The following CDKL3 variants were observed in gnomAD, a reference collection of about 807,000 sequenced individuals.
CDKL3 encodes the protein cyclin dependent kinase like 3, also known as cyclin-dependent kinase-like 3.
CDKL3 carries 65 observed loss-of-function variants against 69.3 expected under a neutral mutation model. The ratio of observed to expected loss-of-function variants is 0.94; its 90% CI spans 0.77 to 1.15. CDKL3 has a LOEUF of 1.15. Among genes scored for constraint, CDKL3 ranks in the 50% most tolerant of loss-of-function variants. CDKL3 has a pLI of 0.00. For synonymous variants in CDKL3, 202 were observed against 221.6 expected (o/e 0.91, Z 0.79); for missense variants, 652 against 689.2 (o/e 0.95, Z 0.61).
At chr5:134,331,805 T>C (rs1775875391) in intron 4 of CDKL3, among the ~76,000 whole-genome samples, 1 of 152,204 alleles carries the variant, frequency 6.6e-6, no homozygotes, top group African/African-American at 2.4e-5. Flanking sequence ...TATAATCCTT[T>C]GGGTATATAC....
At chr5:134,368,643 AAAGT>A (rs1757983603), upstream of CDKL3, among the ~76,000 whole-genome samples, 1 of 143,096 alleles carries the variant, frequency 7.0e-6, no homozygotes, top group East Asian at 2.0e-4. Context: ...AAAAAAAAAG[AAAGT>A]TATTCAACCA....
At chr5:134,357,056 T>C (rs1243142341) in intron 3 of CDKL3, among the ~76,000 whole-genome samples, 1 of 152,098 alleles carries the variant, frequency 6.6e-6, no homozygotes, top group East Asian at 1.9e-4. Flanking sequence ...CTAAGCCTAT[T>C]TTCTCAACTA....
chr5:134,319,185 G>T, intron 6 of CDKL3, 173 bp downstream of exon 6: 1 of 450,656 alleles, frequency 2.2e-6, no homozygotes, highest in Non-Finnish European at 3.8e-6. Context: ...ACAAAAATTA[G>T]CCGGGCATGG....
chr5:134,332,509 T>C (rs983881681), intron 4 of CDKL3, among the ~76,000 whole-genome samples: 2 of 152,244 alleles, frequency 1.3e-5, no homozygotes, highest in East Asian at 1.9e-4. Context: ...GCTTTCTACA[T>C]GTGGCTAACC....
chr5:134,344,362 T>C (rs1751281531), intron 4 of CDKL3, among the ~76,000 whole-genome samples: 1 of 152,028 alleles, frequency 6.6e-6, no homozygotes, highest in Non-Finnish European at 1.5e-5. Flanking sequence ...ACACAACCCA[T>C]AAAATGGAAG....
intron 3 of CDKL3, among the ~76,000 whole-genome samples, chr5:134,356,740 T>C (rs1182869035): frequency 1.3e-5 from 2 of 152,046 alleles, no homozygotes; most frequent in Non-Finnish European, 2.9e-5. Flanking sequence ...ACCAAGATCA[T>C]GCCACTGCAC....
At chr5:134,329,474 T>C (rs1199637531) in intron 4 of CDKL3, among the ~76,000 whole-genome samples, 1 of 151,708 alleles carries the variant, frequency 6.6e-6, no homozygotes, top group Non-Finnish European at 1.5e-5. Flanking sequence ...TTTTATTTTA[T>C]TTATTTATTT....
chr5:134,322,067 T>A (rs763733499), intron 4 of CDKL3, among the ~76,000 whole-genome samples, 164 bp from the exon 5 acceptor site: 1 of 152,198 alleles, frequency 6.6e-6, no homozygotes, highest in African/African-American at 2.4e-5. Context: ...TCACCCAGGC[T>A]GGAGTGCAAG....
downstream of CDKL3, among the ~76,000 whole-genome samples, chr5:134,295,759 A>G (rs895118674): frequency 6.6e-6 from 1 of 152,160 alleles, no homozygotes; most frequent in African/African-American, 2.4e-5. Flanking sequence ...CAATTTTATT[A>G]TTTTTTGAAG....
At chr5:134,306,750 C>CTTTTTTTTTTTTTTTTT (rs11414446) in intron 9 of CDKL3, 48 bp from the exon 10 acceptor site, 2 of 227,694 alleles carry the variant, frequency 8.8e-6, no homozygotes, top group Non-Finnish European at 7.1e-6. Flanking sequence ...CCCAGAAATG[C>CTTTTTTTTTTTTTTTTT]TTTTTTTTTT....
At chr5:134,356,280 G>A (rs569850746) in intron 3 of CDKL3, among the ~76,000 whole-genome samples, 1 of 152,294 alleles carries the variant, frequency 6.6e-6, no homozygotes, top group Admixed American at 6.5e-5. Context: ...GATCTGATAG[G>A]AGGCAGAGCT....
chr5:134,303,679 G>T (rs957116933), intron 11 of CDKL3, among the ~76,000 whole-genome samples: 2 of 132,324 alleles, frequency 1.5e-5, no homozygotes, highest in South Asian at 5.4e-4. Flanking sequence ...CCCCCCCCCC[G>T]TCTCTACTAA....
intron 12 of CDKL3, among the ~76,000 whole-genome samples, chr5:134,301,977 C>T (rs954619904): frequency 6.6e-6 from 1 of 152,080 alleles, no homozygotes; most frequent in Non-Finnish European, 1.5e-5. Context: ...GAATAGGAGG[C>T]CATCGATATG....
Position 134,366,564 on chromosome 5 carries a change from G to C in CDKL3, c.-21-20C>G. 1 of 1,413,366 alleles carries C rather than the reference G, an allele frequency of 7.1e-7. No individual in the cohort carries two copies. The highest frequency in any genetic ancestry group is 9.6e-7 in the Non-Finnish European group (1 of 1,036,560). 87.6% of individuals were successfully genotyped at this position (1,413,366 alleles called of 1,614,324 possible). On this transcript the variant is annotated intron_variant, in intron 1 of 12. Coordinates refer to ENST00000265334, the MANE Select transcript of CDKL3 (RefSeq NM_001113575.2). The stretch of plus-strand genomic sequence containing the variant: ...TTACTACTTTATAGAAATAAAGAAA[G>C]AAAATGGAAAATGTTAAACGTTTAT...
chr5:134,308,459 T>C lies in CDKL3; in HGVS notation c.1043A>G (p.Glu348Gly). The C allele has an allele frequency of 1.9e-6, 3 of 1,599,446 alleles. No homozygotes were observed. Among genetic ancestry groups the C allele is most frequent in the Non-Finnish European group, 2.6e-6 (3 of 1,175,170 alleles). The change falls in exon 9 of 13, where the codon GAA (glutamate) becomes GGA (glycine). Residue 348 changes from glutamate (E) to glycine (G), a missense_variant. Glu to Gly is a moderately conservative substitution (Grantham distance 98, BLOSUM62 -2). Coordinates refer to ENST00000265334, the MANE Select transcript of CDKL3 (RefSeq NM_001113575.2). ...LSSSVLGKEI[E>G]KEKKPKEIKV... Reference sequence around the variant, plus strand: ...GATCTCCTTGGGCTTTTTCTCTTTTTCTATTTCCTGGAATAGATACATCCA... The same window carrying C: ...GATCTCCTTGGGCTTTTTCTCTTTTCCTATTTCCTGGAATAGATACATCCA...
At chr5:134,329,246 GA>G (rs1422259570) in intron 4 of CDKL3, among the ~76,000 whole-genome samples, 1 of 152,090 alleles carries the variant, frequency 6.6e-6, no homozygotes, top group African/African-American at 2.4e-5. Context: ...GCTGAAGCAG[GA>G]GGATTGATTG....
At chr5:134,369,926 G>A (rs1758170798), upstream of CDKL3, among the ~76,000 whole-genome samples, 1 of 152,034 alleles carries the variant, frequency 6.6e-6, no homozygotes, top group Non-Finnish European at 1.5e-5. Flanking sequence ...CTTTGCTATT[G>A]GAAGGGTTAG....
At chr5:134,286,028 A>G (rs1165179496), downstream of CDKL3, among the ~76,000 whole-genome samples, 1 of 152,120 alleles carries the variant, frequency 6.6e-6, no homozygotes, top group Non-Finnish European at 1.5e-5. Flanking sequence ...AGGCTGAGGC[A>G]GGAGAATCAC....
intron 4 of CDKL3, among the ~76,000 whole-genome samples, chr5:134,339,488 TG>T (rs1458142330): frequency 1.3e-5 from 2 of 152,116 alleles, no homozygotes; most frequent in African/African-American, 2.4e-5. Flanking sequence ...ATTAGAAAAC[TG>T]TAATAATGAT....
Sources: gnomAD v4.1 joint callset for allele counts (sites outside exome capture counted in the v4.1 genomes callset) on GRCh38, gnomAD v4.1.1 for gene constraint, MANE v1.5 for transcripts, NCBI Gene and HGNC (gene_info 2026-07-23, HGNC 2026-07-21) for gene names.